Variants in FNIP2 observed in about 807,000 individuals in gnomAD.
FNIP2 encodes the protein folliculin interacting protein 2.
FNIP2 carries 32 observed loss-of-function variants against 108.7 expected under a neutral mutation model. The observed-to-expected ratio is 0.29, with a 90% CI of 0.22 to 0.40. FNIP2 has a LOEUF of 0.40. Ranked by LOEUF, FNIP2 falls within the 10% of genes least tolerant of loss-of-function variation. FNIP2 has a pLI of 1.00. For missense variants in FNIP2, 1,202 were observed against 1,381.6 expected, an observed-to-expected ratio of 0.87 and a Z score of 2.06; for synonymous variants, 480 against 496.7, an observed-to-expected ratio of 0.97 and a Z score of 0.45.
chr4:158,805,152 T>G (rs1319498722), intron 1 of FNIP2, among the ~76,000 whole-genome samples: 1 of 152,162 alleles, frequency 6.6e-6, no homozygotes, highest in Non-Finnish European at 1.5e-5. Flanking sequence ...AGTACAAAGG[T>G]GCATTTAAAA....
Position 158,860,654 on chromosome 4 carries a change from CT to C in FNIP2, c.1149-666del, listed in dbSNP as rs34208761. On this transcript the variant is annotated intron_variant, in intron 10 of 16. Coordinates refer to ENST00000264433, the MANE Select transcript of FNIP2 (RefSeq NM_020840.3). The stretch of plus-strand genomic sequence containing the variant: ...CTTGCGCTTGAGAATCTGGGTCCCA[CT>C]TTTTTTTTTTTTTTTTTTTTTAGAC... Among the ~76,000 whole-genome samples the C allele has an allele frequency of 4.7e-3, 574 of 121,102 alleles. 5 individuals are homozygous for C. The highest frequency in any genetic ancestry group is 0.034 in the Middle Eastern group (8 of 234). The allele number at this position is 121,102 out of a possible 152,430, so 79.4% of individuals were successfully genotyped here. A position where few individuals can be genotyped will look rare whatever the true frequency, so the allele number is the denominator to read the frequency against.
At chr4:158,814,922 A>G (rs1024911137) in intron 1 of FNIP2, among the ~76,000 whole-genome samples, 1 of 152,216 alleles carries the variant, frequency 6.6e-6, no homozygotes, top group Non-Finnish European at 1.5e-5. Flanking sequence ...AAGCAATGAT[A>G]GATTCTTTGG....
intron 1 of FNIP2, among the ~76,000 whole-genome samples, chr4:158,790,085 A>C (rs1212748359): frequency 6.6e-6 from 1 of 151,884 alleles, no homozygotes; most frequent in Admixed American, 6.6e-5. Flanking sequence ...TATTATATAC[A>C]ATTACTTTCC....
chr4:158,802,046 T>A (rs1452624048), intron 1 of FNIP2, among the ~76,000 whole-genome samples: 1 of 152,234 alleles, frequency 6.6e-6, no homozygotes, highest in Non-Finnish European at 1.5e-5. Flanking sequence ...ATTTTGTTTT[T>A]AATAAACTTT....
chr4:158,898,577 G>A (rs1034534951), intron 16 of FNIP2, among the ~76,000 whole-genome samples: 6 of 152,106 alleles, frequency 3.9e-5, no homozygotes, highest in Non-Finnish European at 7.4e-5. Flanking sequence ...TATATTACTA[G>A]GTATTTTATT....
chr4:158,838,229 C>CTTT (rs550985480), intron 7 of FNIP2, among the ~76,000 whole-genome samples: 31 of 117,602 alleles, frequency 2.6e-4, no homozygotes, highest in East Asian at 5.2e-4. Context: ...TTTAGGCCTG[C>CTTT]TTTTTTTTTT....
At chr4:158,902,305 A>C (rs1579016288) in intron 16 of FNIP2, among the ~76,000 whole-genome samples, 1 of 152,138 alleles carries the variant, frequency 6.6e-6, no homozygotes. Flanking sequence ...CCTGGGTATC[A>C]CCAGCGGAGG....
At chr4:158,848,302 T>TC (rs1341768439) in intron 7 of FNIP2, among the ~76,000 whole-genome samples, 2 of 152,184 alleles carry the variant, frequency 1.3e-5, no homozygotes, top group Non-Finnish European at 2.9e-5. Flanking sequence ...AGAAAGAGAC[T>TC]CCATTTGTTT....
At chr4:158,780,271 AT>A (rs1341526930) in intron 1 of FNIP2, among the ~76,000 whole-genome samples, 1 of 152,160 alleles carries the variant, frequency 6.6e-6, no homozygotes, top group Non-Finnish European at 1.5e-5. Flanking sequence ...ATTTATGATT[AT>A]AAAGATGTTG....
chr4:158,856,386 AT>A (rs1779983594), intron 8 of FNIP2, among the ~76,000 whole-genome samples: 1 of 152,212 alleles, frequency 6.6e-6, no homozygotes, highest in Non-Finnish European at 1.5e-5. Flanking sequence ...TTAAATAGCC[AT>A]TTTTGCTTTA....
chr4:158,837,953 A>G (rs1778902290), intron 7 of FNIP2, among the ~76,000 whole-genome samples: 1 of 152,196 alleles, frequency 6.6e-6, no homozygotes, highest in Non-Finnish European at 1.5e-5. Flanking sequence ...TATCATACCT[A>G]GGAGTGGTTC....
chr4:158,857,869 G>A (rs1355860382), intron 8 of FNIP2, among the ~76,000 whole-genome samples: 2 of 151,962 alleles, frequency 1.3e-5, no homozygotes, highest in African/African-American at 4.8e-5. Context: ...GATCGCTTGA[G>A]CCTGGGAAAT....
chr4:158,786,796 G>A (rs1297033099), intron 1 of FNIP2, among the ~76,000 whole-genome samples: 1 of 152,144 alleles, frequency 6.6e-6, no homozygotes, highest in Non-Finnish European at 1.5e-5. Flanking sequence ...CAAAGGCATT[G>A]CAATTTTTAT....
rs548033880 is a variant in FNIP2 at position 158,891,149 on chromosome 4, T to C, written c.2950-297T>C. 2.5e-3 allele frequency among the ~76,000 whole-genome samples: 375 copies of C among 152,288 alleles called. 2 individuals are homozygous for C. The highest frequency in any genetic ancestry group is 8.6e-3 in the African/African-American group (356 of 41,548). On this transcript the variant is annotated intron_variant, in intron 14 of 16. Coordinates refer to ENST00000264433, the MANE Select transcript of FNIP2 (RefSeq NM_020840.3). The stretch of plus-strand genomic sequence containing the variant: ...AGAATGTGCATATGTGCATTGGCTT[T>C]GAGGCAGGTCTCTCTGTCTCTGGCT...
At chr4:158,876,076 C>T (rs1781265537) in intron 14 of FNIP2, among the ~76,000 whole-genome samples, 1 of 152,140 alleles carries the variant, frequency 6.6e-6, no homozygotes, top group Non-Finnish European at 1.5e-5. Context: ...TATGCCAGGT[C>T]ATGATGTTAA....
Position 158,847,458 on chromosome 4 carries a change from C to G in FNIP2, c.728-3863C>G, listed in dbSNP as rs555839760. Among the ~76,000 whole-genome samples the G allele has an allele frequency of 5.9e-5, 9 of 152,284 alleles. No homozygotes were observed. The South Asian group carries it at 1.5e-3, about 25-fold the overall frequency. On this transcript the variant is annotated intron_variant, in intron 7 of 16. Coordinates refer to ENST00000264433, the MANE Select transcript of FNIP2 (RefSeq NM_020840.3). ...TGTCATGAGGTGCCTATTCTAGGCC[C>G]TAGCTCCCAGACAACATTTTCAGAC...
chr4:158,804,548 G>A (rs1279025083), intron 1 of FNIP2, among the ~76,000 whole-genome samples: 1 of 151,922 alleles, frequency 6.6e-6, no homozygotes, highest in African/African-American at 2.4e-5. Context: ...AAGTAGCTGG[G>A]ACTACAGGCG....
chr4:158,794,926 T>C (rs1776537936), intron 1 of FNIP2, among the ~76,000 whole-genome samples: 2 of 152,220 alleles, frequency 1.3e-5, no homozygotes, highest in African/African-American at 4.8e-5. Flanking sequence ...ATGTATCCCT[T>C]ATAAATAAAA....
chr4:158,788,693 G>T (rs1367453636), intron 1 of FNIP2, among the ~76,000 whole-genome samples: 1 of 152,192 alleles, frequency 6.6e-6, no homozygotes, highest in Non-Finnish European at 1.5e-5. Flanking sequence ...GAAAAAGTAG[G>T]TTCCACATAG....
Sources: gnomAD v4.1 joint callset for allele counts (sites outside exome capture counted in the v4.1 genomes callset) on GRCh38, gnomAD v4.1.1 for gene constraint, MANE v1.5 for transcripts, NCBI Gene and HGNC (gene_info 2026-07-23, HGNC 2026-07-21) for gene names.